Variants in TJP1 observed in about 807,000 individuals in gnomAD.
TJP1 encodes tight junction protein 1.
In TJP1, 43 loss-of-function variants were observed where a neutral mutation model predicts 194.2. That is an observed-to-expected ratio of 0.22 (90% CI 0.17 to 0.29). The LOEUF (loss-of-function observed/expected upper bound fraction) is 0.29. Ranked by LOEUF, TJP1 falls within the 10% of genes least tolerant of loss-of-function variation. TJP1 has a pLI of 1.00. For synonymous variants in TJP1, 801 were observed against 779.0 expected (o/e 1.03, Z -0.47); for missense variants, 1,971 against 2,185.7 (o/e 0.90, Z 1.96).
intron 1 of TJP1, among the ~76,000 whole-genome samples, chr15:29,819,799 C>T (rs1307057598): frequency 6.6e-6 from 1 of 152,148 alleles, no homozygotes; most frequent in Non-Finnish European, 1.5e-5. Flanking sequence ...ATTAAGATTC[C>T]AGTAGCTCAC....
chr15:29,771,464 C>T (rs1457778021), intron 4 of TJP1, among the ~76,000 whole-genome samples: 3 of 152,090 alleles, frequency 2.0e-5, no homozygotes, highest in African/African-American at 7.2e-5. Flanking sequence ...TGTCATGTAG[C>T]ATGTGACTGT....
At chr15:29,943,821 G>A (rs545520362) in intron 2 of TJP1, among the ~76,000 whole-genome samples, 52 of 150,786 alleles carry the variant, frequency 3.4e-4, no homozygotes, top group African/African-American at 1.2e-3. Flanking sequence ...GGTGGCGCGC[G>A]CCTGTAGTCC....
At chr15:29,944,180 C>T (rs2055191584) in intron 2 of TJP1, among the ~76,000 whole-genome samples, 1 of 151,876 alleles carries the variant, frequency 6.6e-6, no homozygotes, top group South Asian at 2.1e-4. Flanking sequence ...GCAAGCTCCG[C>T]CTCCCGGGTT....
intron 1 of TJP1, among the ~76,000 whole-genome samples, chr15:29,802,676 G>C (rs1160435940): frequency 6.6e-6 from 1 of 151,528 alleles, no homozygotes; most frequent in Non-Finnish European, 1.5e-5. Flanking sequence ...AACATCAACA[G>C]TCCCACTAAC....
At chr15:29,814,979 T>C (rs2049810104) in intron 1 of TJP1, among the ~76,000 whole-genome samples, 1 of 152,230 alleles carries the variant, frequency 6.6e-6, no homozygotes. Flanking sequence ...TTGGTAACAT[T>C]GGTGTTCTCA....
intron 11 of TJP1, among the ~76,000 whole-genome samples, chr15:29,735,588 G>GAA (rs79594334): frequency 2.2e-5 from 2 of 91,670 alleles, no homozygotes; most frequent in Non-Finnish European, 4.5e-5. Context: ...CTGTCTCAAG[G>GAA]AAAAAAAAAA....
chr15:29,718,800 A>G lies in TJP1; in HGVS notation c.3342T>C (p.Leu1114=). The change falls in exon 21 of 28, where the codon CTT becomes CTC. Residue 1114 remains leucine (L), a synonymous_variant. Coordinates refer to ENST00000614355, the MANE Select transcript of TJP1 (RefSeq NM_001330239.4). ...PPFDNQHSQD[L]DSRQHPEESS... is the part of the protein sequence containing the mutation. ...ACTCTTCGGGATGCTGTCTGGAGTCAAGGTCTTGAGAGTGCTGATTATCAA... is the reference window on the plus strand; with the variant it reads ...ACTCTTCGGGATGCTGTCTGGAGTCGAGGTCTTGAGAGTGCTGATTATCAA... 5 of 1,614,146 alleles carry G rather than the reference A, an allele frequency of 3.1e-6. No homozygotes were observed. The highest frequency in any genetic ancestry group is 4.2e-6 in the Non-Finnish European group (5 of 1,180,022).
intron 4 of TJP1, among the ~76,000 whole-genome samples, chr15:29,770,867 T>C (rs986810618): frequency 6.6e-6 from 1 of 151,904 alleles, no homozygotes; most frequent in African/African-American, 2.4e-5. Context: ...TTATAAAATA[T>C]TAAATACATT....
In TJP1 at chr15:29,700,161, A is replaced by G. The variant is rs942711330; in HGVS notation, c.*1434T>C. 13 of 398,286 alleles carry G rather than the reference A, an allele frequency of 3.3e-5. No individual in the cohort carries two copies. The highest frequency in any genetic ancestry group is 2.3e-4 in the African/African-American group (11 of 48,626). The allele number at this position is 398,286 out of a possible 1,614,324, so 24.7% of individuals were successfully genotyped here. A position where few individuals can be genotyped will look rare whatever the true frequency, so the allele number is the denominator to read the frequency against. ...CAGACCAAGCCAGCACTTTATTTTA[A>G]AAAGTTTTATTTTGGAGATTTAGAA... On this transcript the variant is annotated 3_prime_UTR_variant, in exon 28 of 28. Transcript: ENST00000614355.
intron 27 of TJP1, among the ~76,000 whole-genome samples, chr15:29,703,938 C>T (rs530501591): frequency 5.9e-5 from 9 of 152,256 alleles, no homozygotes; most frequent in Admixed American, 2.6e-4. Flanking sequence ...CCACGGCGCC[C>T]GGCCCAAATT....
chr15:29,745,291 C>A (rs2044689254), intron 8 of TJP1, among the ~76,000 whole-genome samples: 1 of 94,740 alleles, frequency 1.1e-5, no homozygotes, highest in Non-Finnish European at 2.1e-5. Flanking sequence ...AGCTAATGGT[C>A]CCAAAATATT....
intron 2 of TJP1, among the ~76,000 whole-genome samples, chr15:29,779,794 G>A (rs959325926): frequency 7.2e-5 from 11 of 152,112 alleles, no homozygotes; most frequent in Non-Finnish European, 1.6e-4. Context: ...ACAGGCAGTC[G>A]ACTACATAAC....
intron 2 of TJP1, among the ~76,000 whole-genome samples, chr15:29,798,967 G>A (rs1198351716): frequency 6.6e-6 from 1 of 152,168 alleles, no homozygotes; most frequent in Non-Finnish European, 1.5e-5. Flanking sequence ...TGTACAAAAA[G>A]AAACCATATC....
At position 29,761,244 on chromosome 15, in the gene TJP1, C is replaced by T. The variant is rs1371086482; in HGVS notation, c.905G>A (p.Arg302Gln). 3.7e-6 allele frequency: 6 copies of T among 1,613,826 alleles called. No individual in the cohort carries two copies. Among genetic ancestry groups the T allele is most frequent in the South Asian group, 2.2e-5 (2 of 91,058 alleles). Residue 302 changes from arginine (R) to glutamine (Q), a missense_variant, in exon 8 of 28, where the codon CGA (arginine) becomes CAA (glutamine). Coordinates refer to ENST00000614355, the MANE Select transcript of TJP1 (RefSeq NM_001330239.4). ...GCGGCGGGGAGGCCTATCGTGTGATCGACCAGAATGATCTGATGCCAGTGA... is the reference window on the plus strand; with the variant it reads ...GCGGCGGGGAGGCCTATCGTGTGATTGACCAGAATGATCTGATGCCAGTGA... ...IQSLASDHSG[R>Q]SHDRPPRRSR...
chr15:29,849,510 G>A (rs912162999), intron 2 of TJP1, among the ~76,000 whole-genome samples: 2 of 151,424 alleles, frequency 1.3e-5, no homozygotes, highest in African/African-American at 2.4e-5. Flanking sequence ...AGGCTGAGGT[G>A]GGATGATCAC....
intron 23 of TJP1, among the ~76,000 whole-genome samples, chr15:29,713,299 ACT>A (rs1335231398): frequency 2.6e-5 from 4 of 152,178 alleles, no homozygotes; most frequent in Non-Finnish European, 5.9e-5. Context: ...CTCTTCTTGC[ACT>A]GTTTTAGAAT....
In TJP1 at chr15:29,741,369, A is replaced by G. The variant is rs1277281057; in HGVS notation, c.1218T>C (p.Gly406=). The G allele has an allele frequency of 1.9e-6, 3 of 1,598,986 alleles. No individual in the cohort carries two copies. Among genetic ancestry groups the G allele is most frequent in the Non-Finnish European group, 2.6e-6 (3 of 1,176,168 alleles). The change falls in exon 10 of 28, where the codon GGT becomes GGC. Residue 406 remains glycine (G), a synonymous_variant. Transcript: ENST00000614355. ...CTTCATGAGTTGAATTAGGTAGGAC[A>G]CCATCAGATGGACTGACAGGTAAAT... ...DVDLPVSPSD[G]VLPNSTHEDG... is the part of the protein sequence containing the mutation.
chr15:29,966,362 G>A (rs1384460305), intron 1 of TJP1, among the ~76,000 whole-genome samples: 1 of 151,990 alleles, frequency 6.6e-6, no homozygotes, highest in Non-Finnish European at 1.5e-5. Context: ...ATATTAGCCG[G>A]GTGTGGTGGT....
chr15:29,878,957 T>C (rs974428655), intron 2 of TJP1, among the ~76,000 whole-genome samples: 2 of 151,960 alleles, frequency 1.3e-5, no homozygotes, highest in African/African-American at 2.4e-5. Context: ...ACCCCGTCTC[T>C]ACTAAAAATA....
Sources: allele counts gnomAD v4.1 joint callset (sites outside exome capture counted in the v4.1 genomes callset), GRCh38; gene constraint gnomAD v4.1.1; transcripts MANE v1.5; gene names NCBI Gene and HGNC (gene_info 2026-07-23, HGNC 2026-07-21).